SEMA5A: variants seen among roughly 807,000 people sequenced by gnomAD.
SEMA5A encodes semaphorin 5A, also known as semaphorin-5A.
Under a neutral mutation model 135.5 loss-of-function variants are expected in SEMA5A, and 55 were observed. The observed-to-expected ratio is 0.41, with a 90% confidence interval of 0.33 to 0.51. SEMA5A has a LOEUF of 0.51. Ranked by LOEUF, SEMA5A falls within the 20% of genes least tolerant of loss-of-function variation. SEMA5A has a pLI of 0.37. For synonymous variants in SEMA5A, 580 were observed against 546.5 expected, an observed-to-expected ratio of 1.06 and a Z score of -0.85; for missense variants, 1,290 against 1,419.9, an observed-to-expected ratio of 0.91 and a Z score of 1.47.
intron 1 of SEMA5A, among the ~76,000 whole-genome samples, chr5:9,503,228 C>A (rs568991560): frequency 2.9e-4 from 44 of 152,268 alleles, no homozygotes; most frequent in African/African-American, 1.1e-3. Flanking sequence ...TTCTTCACCC[C>A]CCAGGAGGAA....
chr5:9,372,762 C>T (rs546716014), intron 3 of SEMA5A, among the ~76,000 whole-genome samples: 4 of 151,958 alleles, frequency 2.6e-5, no homozygotes, highest in Non-Finnish European at 5.9e-5. Flanking sequence ...AGCCATGAGA[C>T]ACACATGCAC....
chr5:9,207,104 A>ATATATATATATATATATATATATG (rs1746067826), intron 8 of SEMA5A, among the ~76,000 whole-genome samples: 1 of 32,134 alleles, frequency 3.1e-5, no homozygotes, highest in Non-Finnish European at 6.4e-5. Context: ...GATCAAGTGT[A>ATATATATATATATATATATATATG]TATATATATA....
intron 12 of SEMA5A, among the ~76,000 whole-genome samples, chr5:9,149,162 G>C (rs1008481017): frequency 6.6e-6 from 1 of 152,320 alleles, no homozygotes; most frequent in Admixed American, 6.5e-5. Context: ...CATCAGCCTT[G>C]CTTGACCCAC....
intron 2 of SEMA5A, among the ~76,000 whole-genome samples, chr5:9,427,919 G>A (rs1283497134): frequency 6.6e-6 from 1 of 152,006 alleles, no homozygotes; most frequent in African/African-American, 2.4e-5. Context: ...ACCTAATGCA[G>A]TAGGGTTTCA....
chr5:9,081,342 A>G (rs554733153), intron 16 of SEMA5A, among the ~76,000 whole-genome samples: 1 of 152,180 alleles, frequency 6.6e-6, no homozygotes, highest in Non-Finnish European at 1.5e-5. Context: ...TAATAAATAC[A>G]TGTAGTATTA....
At chr5:9,076,763 A>G (rs1738082362) in intron 16 of SEMA5A, among the ~76,000 whole-genome samples, 1 of 152,164 alleles carries the variant, frequency 6.6e-6, no homozygotes, top group Non-Finnish European at 1.5e-5. Flanking sequence ...TGCTTCATAA[A>G]GCATGCACCA....
At chr5:9,279,956 G>C (rs1750457207) in intron 5 of SEMA5A, among the ~76,000 whole-genome samples, 1 of 152,148 alleles carries the variant, frequency 6.6e-6, no homozygotes, top group Non-Finnish European at 1.5e-5. Context: ...ATATCAACTT[G>C]CATATGACCA....
intron 4 of SEMA5A, among the ~76,000 whole-genome samples, chr5:9,328,868 C>T (rs1752991855): frequency 1.3e-5 from 2 of 151,772 alleles, no homozygotes; most frequent in African/African-American, 2.4e-5. Context: ...TCTTGAAAGG[C>T]CTGTCAGGTG....
intron 3 of SEMA5A, among the ~76,000 whole-genome samples, chr5:9,366,199 A>G (rs770616870): frequency 1.3e-5 from 2 of 152,166 alleles, no homozygotes; most frequent in Non-Finnish European, 1.5e-5. Flanking sequence ...AGCAGTGCAA[A>G]TTCTCAATTG....
intron 16 of SEMA5A, among the ~76,000 whole-genome samples, chr5:9,075,048 A>G (rs1737972220): frequency 6.6e-6 from 1 of 152,132 alleles, no homozygotes; most frequent in South Asian, 2.1e-4. Context: ...TCTTTCCACT[A>G]CTCTTACTAG....
chr5:9,480,154 T>A (rs1293828312), intron 1 of SEMA5A, among the ~76,000 whole-genome samples: 5 of 152,144 alleles, frequency 3.3e-5, no homozygotes, highest in Admixed American at 6.5e-5. Context: ...CAAGGGCAAG[T>A]TGTGACAACT....
chr5:9,500,595 G>C (rs760558536), intron 1 of SEMA5A, among the ~76,000 whole-genome samples: 22 of 152,170 alleles, frequency 1.4e-4, no homozygotes, highest in Non-Finnish European at 3.1e-4. Flanking sequence ...ACTGAGGTTT[G>C]CTGAGGATAG....
At chr5:9,288,314 C>T (rs1750900673) in intron 5 of SEMA5A, among the ~76,000 whole-genome samples, 1 of 152,170 alleles carries the variant, frequency 6.6e-6, no homozygotes, top group Non-Finnish European at 1.5e-5. Context: ...AAGGGAGAGC[C>T]AGGTGGGTGT....
intron 11 of SEMA5A, among the ~76,000 whole-genome samples, chr5:9,188,286 G>T (rs1744914249): frequency 6.6e-6 from 1 of 152,194 alleles, no homozygotes; most frequent in South Asian, 2.1e-4. Flanking sequence ...CTAACCTTCA[G>T]AACCATGAGA....
At chr5:9,392,225 T>C (rs914771183) in intron 2 of SEMA5A, among the ~76,000 whole-genome samples, 4 of 152,192 alleles carry the variant, frequency 2.6e-5, no homozygotes, top group Non-Finnish European at 5.9e-5. Flanking sequence ...TTTATCTTCT[T>C]CACATCACTT....
intron 16 of SEMA5A, among the ~76,000 whole-genome samples, chr5:9,088,881 C>G (rs1283951846): frequency 6.6e-6 from 1 of 152,084 alleles, no homozygotes; most frequent in African/African-American, 2.4e-5. Flanking sequence ...CTGTGTTAAC[C>G]CCTCCCACTC....
intron 5 of SEMA5A, among the ~76,000 whole-genome samples, chr5:9,300,582 C>T (rs1337663209): frequency 6.6e-6 from 1 of 152,204 alleles, no homozygotes; most frequent in African/African-American, 2.4e-5. Flanking sequence ...CTCCTGAATA[C>T]TACCTGAATT....
At chr5:9,347,909 A>G (rs1753947467) in intron 3 of SEMA5A, among the ~76,000 whole-genome samples, 1 of 152,238 alleles carries the variant, frequency 6.6e-6, no homozygotes, top group Non-Finnish European at 1.5e-5. Context: ...CTTGTAACCA[A>G]TTGAAATGCA....
intron 5 of SEMA5A, among the ~76,000 whole-genome samples, chr5:9,276,393 T>C (rs1750263000): frequency 6.6e-6 from 1 of 152,176 alleles, no homozygotes; most frequent in Non-Finnish European, 1.5e-5. Context: ...CCCAAAGTAA[T>C]TTATAGATTT....
Sources: allele counts gnomAD v4.1 joint callset (sites outside exome capture counted in the v4.1 genomes callset), GRCh38; gene constraint gnomAD v4.1.1; transcripts MANE v1.5; gene names NCBI Gene and HGNC (gene_info 2026-07-23, HGNC 2026-07-21).